Variants in WBP1L observed in about 807,000 individuals in gnomAD.
WBP1L encodes WW domain binding protein 1-like.
Under a neutral mutation model 33.7 loss-of-function variants are expected in WBP1L, and 17 were observed. The observed-to-expected ratio is 0.50, with a 90% CI of 0.34 to 0.76. WBP1L has a LOEUF of 0.76. Ranked by LOEUF, WBP1L falls within the 30% of genes least tolerant of loss-of-function variation. The pLI, the probability that WBP1L is intolerant of heterozygous loss-of-function variation, is 0.01. For missense variants in WBP1L, 389 were observed against 469.4 expected (o/e 0.83, Z 1.58); for synonymous variants, 173 against 190.8 (o/e 0.91, Z 0.77).
In WBP1L at chr10:102,777,149, A is replaced by G. The variant is rs1472380678; in HGVS notation, c.91-20844A>G. Among the ~76,000 whole-genome samples the G allele has an allele frequency of 6.6e-5, 10 of 152,110 alleles. No homozygotes were observed. In the South Asian group the frequency reaches 8.3e-4, roughly 13 times the overall value. ...GCTGAGAACACAGCTGTTGCCAACTATTTGTTCCAGGGCTTCTGAGAGTCA... is the reference window on the plus strand; with the variant it reads ...GCTGAGAACACAGCTGTTGCCAACTGTTTGTTCCAGGGCTTCTGAGAGTCA... On this transcript the variant is annotated intron_variant, in intron 1 of 3. Coordinates refer to ENST00000448841, the MANE Select transcript of WBP1L (RefSeq NM_001083913.2).
At chr10:102,780,051 T>A (rs1369400265) in intron 1 of WBP1L, among the ~76,000 whole-genome samples, 1 of 152,192 alleles carries the variant, frequency 6.6e-6, no homozygotes, top group Admixed American at 6.5e-5. Context: ...TCACCAGGTA[T>A]GGGTGTCTTT....
chr10:102,799,675 C>G (rs780162151), intron 2 of WBP1L, among the ~76,000 whole-genome samples: 1 of 152,162 alleles, frequency 6.6e-6, no homozygotes, highest in Non-Finnish European at 1.5e-5. Context: ...ATCACTGCCT[C>G]CATTTGGAAA....
At chr10:102,759,264 C>T (rs2134030465) in intron 1 of WBP1L, among the ~76,000 whole-genome samples, 1 of 152,334 alleles carries the variant, frequency 6.6e-6, no homozygotes, top group African/African-American at 2.4e-5. Flanking sequence ...GAAGGCTCAC[C>T]TCTTGCCTTC....
At position 102,778,843 on chromosome 10, in the gene WBP1L, A is replaced by G. The variant is rs116175430; in HGVS notation, c.91-19150A>G. ...TTATCGTACATATGTATGCACTTTG[A>G]TTTATTTTTTTCCCTTAATCCATAT... On this transcript the variant is annotated intron_variant, in intron 1 of 3. Transcript: ENST00000448841. Among the ~76,000 whole-genome samples, 547 of 152,174 alleles carry G rather than the reference A, an allele frequency of 3.6e-3. 1 individual carries two copies. The highest frequency in any genetic ancestry group is 0.013 in the African/African-American group (520 of 41,522).
intron 3 of WBP1L, among the ~76,000 whole-genome samples, chr10:102,810,358 C>T (rs1843812521): frequency 7.5e-6 from 1 of 133,130 alleles, no homozygotes; most frequent in Non-Finnish European, 1.6e-5. Flanking sequence ...TAACTTCCTC[C>T]CTTCCTCCCT....
At chr10:102,766,143 TA>T (rs1315754363) in intron 1 of WBP1L, among the ~76,000 whole-genome samples, 3 of 151,670 alleles carry the variant, frequency 2.0e-5, no homozygotes, top group Admixed American at 6.6e-5. Context: ...CTATAAAGAT[TA>T]AAAAAAATTA....
Position 102,811,603 on chromosome 10 carries a change from G to A in WBP1L, c.356-992G>A, listed in dbSNP as rs548900262. Reference sequence around the variant, plus strand: ...TTGGCTCACTGCAACCTCCTCCTCTGGGGTTCAAGTGATTCTTGTGCCTGA... The same window carrying A: ...TTGGCTCACTGCAACCTCCTCCTCTAGGGTTCAAGTGATTCTTGTGCCTGA... On this transcript the variant is annotated intron_variant, in intron 3 of 3. Coordinates refer to ENST00000448841, the MANE Select transcript of WBP1L (RefSeq NM_001083913.2). Among the ~76,000 whole-genome samples the A allele has an allele frequency of 1.0e-3, 153 of 152,232 alleles. 1 individual carries two copies. Among genetic ancestry groups the A allele is most frequent in the African/African-American group, 3.5e-3 (145 of 41,524 alleles).
chr10:102,802,094 C>T (rs1403734253), intron 2 of WBP1L, among the ~76,000 whole-genome samples: 1 of 88,810 alleles, frequency 1.1e-5, no homozygotes, highest in Non-Finnish European at 2.4e-5. Flanking sequence ...TTCCCCCTTC[C>T]CCCTCCTCCT....
At chr10:102,776,198 G>T (rs541296298) in intron 1 of WBP1L, 3 of 1,471,370 alleles carry the variant, frequency 2.0e-6, no homozygotes, top group Non-Finnish European at 2.7e-6. Flanking sequence ...CAGGCAGGGG[G>T]AGTAGCGAGG....
At chr10:102,746,252 T>C in intron 1 of WBP1L, 1 of 739,054 alleles carries the variant, frequency 1.4e-6, no homozygotes. Flanking sequence ...CTTTCTTATA[T>C]CTGTGGCACT....
rs150394424 is a variant in WBP1L at position 102,749,191 on chromosome 10, A to G, written c.90+5048A>G. On this transcript the variant is annotated intron_variant, in intron 1 of 3. Transcript: ENST00000448841. ...GCCAGGTGGCTGCTGAGCATTTGAAATGTGGCTAGGATAACTGAGGAACTG... is the reference window on the plus strand; with the variant it reads ...GCCAGGTGGCTGCTGAGCATTTGAAGTGTGGCTAGGATAACTGAGGAACTG... Among the ~76,000 whole-genome samples the G allele has an allele frequency of 3.3e-3, 504 of 152,356 alleles. 4 individuals are homozygous for G. The highest frequency in any genetic ancestry group is 0.011 in the African/African-American group (476 of 41,586).
chr10:102,782,244 A>G (rs569289395), intron 1 of WBP1L, among the ~76,000 whole-genome samples: 57 of 71,272 alleles, frequency 8.0e-4, no homozygotes, highest in African/African-American at 3.3e-3. Context: ...TTTTTGAGGA[A>G]CGTGGCTTGT....
Position 102,813,427 on chromosome 10 carries a change from T to A in WBP1L, c.*96T>A. 6.9e-7 allele frequency: 1 copy of A among 1,441,784 alleles called. No individual in the cohort carries two copies. Among genetic ancestry groups the A allele is most frequent in the South Asian group, 1.4e-5 (1 of 71,554 alleles). 89.3% of individuals were successfully genotyped at this position (1,441,784 alleles called of 1,614,324 possible). A position where few individuals can be genotyped will look rare whatever the true frequency, so the allele number is the denominator to read the frequency against. On this transcript the variant is annotated 3_prime_UTR_variant, in exon 4 of 4. Transcript: ENST00000448841. ...AAGTGACTTTCAAAGACTTTCAGAG[T>A]ACAGCCACTTGGTTCCTTTTTGTTT...
chr10:102,758,725 G>A (rs1843005507), intron 1 of WBP1L, among the ~76,000 whole-genome samples: 1 of 152,152 alleles, frequency 6.6e-6, no homozygotes, highest in Non-Finnish European at 1.5e-5. Context: ...TAGTGGCCCC[G>A]AGCAGCTGGG....
rs574725923 is a variant in WBP1L, at chr10:102,773,618, T to C, written c.91-24375T>C. Among the ~76,000 whole-genome samples, 9 of 152,282 alleles carry C rather than the reference T, an allele frequency of 5.9e-5. No individual in the cohort carries two copies. The East Asian group carries it at 1.7e-3, about 29-fold the overall frequency. Reference sequence around the variant, plus strand: ...TTTAGAATTATGGGGCCAAGCTTAGTGGCTCATGCCTGTAATCTTAACACT... The same window carrying C: ...TTTAGAATTATGGGGCCAAGCTTAGCGGCTCATGCCTGTAATCTTAACACT... On this transcript the variant is annotated intron_variant, in intron 1 of 3. Coordinates refer to ENST00000448841, the MANE Select transcript of WBP1L (RefSeq NM_001083913.2).
intron 1 of WBP1L, among the ~76,000 whole-genome samples, chr10:102,790,113 T>C (rs1050593180): frequency 6.6e-6 from 1 of 152,176 alleles, no homozygotes; most frequent in Admixed American, 6.5e-5. Context: ...TCCTCCATTC[T>C]TTTCTTCTCA....
At chr10:102,795,616 T>C (rs895319049) in intron 1 of WBP1L, among the ~76,000 whole-genome samples, 1 of 152,346 alleles carries the variant, frequency 6.6e-6, no homozygotes, top group Admixed American at 6.5e-5. Context: ...TTGACAGCCA[T>C]GTGTTCCGAG....
intron 2 of WBP1L, among the ~76,000 whole-genome samples, chr10:102,808,234 A>G (rs1411225488): frequency 6.6e-6 from 1 of 152,228 alleles, no homozygotes; most frequent in Admixed American, 6.5e-5. Context: ...GAAAATAATC[A>G]AAAGAAGAAA....
chr10:102,780,506 G>T (rs932177099), intron 1 of WBP1L, among the ~76,000 whole-genome samples: 1 of 152,178 alleles, frequency 6.6e-6, no homozygotes, highest in South Asian at 2.1e-4. Context: ...AGAAGATATT[G>T]ATTGGGTAAT....
Sources: gnomAD v4.1 joint callset for allele counts (sites outside exome capture counted in the v4.1 genomes callset) on GRCh38, gnomAD v4.1.1 for gene constraint, MANE v1.5 for transcripts, NCBI Gene and HGNC (gene_info 2026-07-23, HGNC 2026-07-21) for gene names.